RUFY3: variants seen among roughly 807,000 people sequenced by gnomAD.
RUFY3 encodes protein RUFY3.
In RUFY3, 34 loss-of-function variants were observed where a neutral mutation model predicts 84.0. The ratio of observed to expected loss-of-function variants is 0.40; its 90% confidence interval spans 0.31 to 0.54. The LOEUF is 0.54. Among genes scored for constraint, RUFY3 ranks in the 20% least tolerant of loss-of-function variants. RUFY3 has a pLI of 0.39. For missense variants in RUFY3, 507 were observed against 736.8 expected (o/e 0.69, Z 3.61); for synonymous variants, 242 against 252.9 (o/e 0.96, Z 0.41).
intron 17 of RUFY3, 46 bp from the exon 18 acceptor site, chr4:70,806,470 T>G (rs542661423): frequency 6.2e-7 from 1 of 1,608,896 alleles, no homozygotes; most frequent in Admixed American, 1.7e-5. Context: ...TGAATCCTTA[T>G]GCCTTGCTCA....
chr4:70,751,066 T>A (rs1249399526), intron 1 of RUFY3, among the ~76,000 whole-genome samples: 2 of 152,212 alleles, frequency 1.3e-5, no homozygotes, highest in South Asian at 2.1e-4. Flanking sequence ...ATATATTTTT[T>A]AAATAATTTC....
chr4:70,734,335 C>T, intron 1 of RUFY3: 1 of 870,938 alleles, frequency 1.1e-6, no homozygotes, highest in African/African-American at 1.8e-5. Context: ...CACTGTGGCA[C>T]ACCCCCTTTT....
At chr4:70,791,433 T>A in intron 12 of RUFY3, 1 of 1,406,138 alleles carries the variant, frequency 7.1e-7, no homozygotes, top group Non-Finnish European at 9.3e-7. Context: ...TTTGTTGGAC[T>A]TTTAAAAAAC....
chr4:70,775,156 C>A lies in RUFY3; in HGVS notation c.759-12C>A, dbSNP rs377064223. 5 of 1,574,600 alleles carry A rather than the reference C, an allele frequency of 3.2e-6. No homozygotes were observed. The highest frequency in any genetic ancestry group is 4.3e-6 in the Non-Finnish European group (5 of 1,153,534). ...TATTTATTTTATTTCTATTTTCTTC[C>A]CCTTCCCCCAGAGACGGTCAGATTA... On this transcript the variant is annotated splice_polypyrimidine_tract_variant and intron_variant, in intron 6 of 17. Transcript: ENST00000381006.
At chr4:70,730,430 C>T (rs938194143) in intron 1 of RUFY3, among the ~76,000 whole-genome samples, 1 of 151,824 alleles carries the variant, frequency 6.6e-6, no homozygotes, top group East Asian at 1.9e-4. Flanking sequence ...CAACTATTAC[C>T]CCCAATTTAC....
chr4:70,707,835 T>C (rs1352380098), intron 1 of RUFY3, among the ~76,000 whole-genome samples: 1 of 152,248 alleles, frequency 6.6e-6, no homozygotes, highest in Non-Finnish European at 1.5e-5. Context: ...AACGTAAGCA[T>C]ACTTACAGAA....
intron 10 of RUFY3, among the ~76,000 whole-genome samples, chr4:70,786,306 T>A (rs1266593049): frequency 6.6e-6 from 1 of 152,256 alleles, no homozygotes; most frequent in East Asian, 1.9e-4. Flanking sequence ...ATAGGAGGAA[T>A]AAGTTCTGGT....
At chr4:70,717,771 G>A (rs1202121543), upstream of RUFY3, among the ~76,000 whole-genome samples, 1 of 151,544 alleles carries the variant, frequency 6.6e-6, no homozygotes, top group Non-Finnish European at 1.5e-5. Flanking sequence ...CGCTAATTGT[G>A]TGATTCTGGG....
chr4:70,768,681 T>G lies in RUFY3; in HGVS notation c.696+20T>G. On this transcript the variant is annotated intron_variant, in intron 5 of 17. Coordinates refer to ENST00000381006, the MANE Select transcript of RUFY3 (RefSeq NM_001037442.4). The stretch of plus-strand genomic sequence containing the variant: ...TCTCAGGTATGGGAAAGAGACTCAT[T>G]CCCATGGGTGTCACTCTGAGTTCTG... 1 of 1,611,808 alleles carries G rather than the reference T, an allele frequency of 6.2e-7. No homozygotes were observed. The highest frequency in any genetic ancestry group is 8.5e-7 in the Non-Finnish European group (1 of 1,179,058).
At chr4:70,797,366 A>G (rs944125310) in intron 14 of RUFY3, among the ~76,000 whole-genome samples, 2 of 152,226 alleles carry the variant, frequency 1.3e-5, no homozygotes, top group Non-Finnish European at 2.9e-5. Flanking sequence ...GTCCATGCAC[A>G]GTCTTTTCGT....
At chr4:70,730,223 A>G (rs1719017009) in intron 1 of RUFY3, among the ~76,000 whole-genome samples, 1 of 151,444 alleles carries the variant, frequency 6.6e-6, no homozygotes, top group South Asian at 2.1e-4. Context: ...GCACCCAGCC[A>G]AAATATGTGC....
chr4:70,735,733 T>A (rs1720166319), intron 1 of RUFY3, among the ~76,000 whole-genome samples: 1 of 151,980 alleles, frequency 6.6e-6, no homozygotes, highest in Non-Finnish European at 1.5e-5. Flanking sequence ...ATGTCTGTAA[T>A]CCCAGCACTT....
In RUFY3 at chr4:70,788,831, A is replaced by C; in HGVS notation, c.1097A>C (p.Gln366Pro). Reference sequence around the variant, plus strand: ...GATGTTGAGAAAGAACTGGAGATGCAGATCAGCATGAGGCAGGAGATGGAA... The same window carrying C: ...GATGTTGAGAAAGAACTGGAGATGCCGATCAGCATGAGGCAGGAGATGGAA... Reference protein sequence around the residue: ...RLDVEKELEMQISMRQEMELA... With the variant: ...RLDVEKELEMPISMRQEMELA... The change falls in exon 11 of 18, where the codon CAG becomes CCG. Residue 366 changes from glutamine to proline, a missense_variant. This residue lies in a region of RUFY3 where 334 missense variants were observed against 364.1 expected (regional missense o/e 0.92). Transcript: ENST00000381006. 1.2e-6 allele frequency: 2 copies of C among 1,614,088 alleles called. No homozygotes were observed. Among genetic ancestry groups the C allele is most frequent in the Non-Finnish European group, 1.7e-6 (2 of 1,179,958 alleles).
chr4:70,774,033 T>C (rs1320208849), intron 6 of RUFY3, among the ~76,000 whole-genome samples: 1 of 152,240 alleles, frequency 6.6e-6, no homozygotes, highest in African/African-American at 2.4e-5. Context: ...TCTAAAATTG[T>C]GTTAAACACT....
At position 70,776,512 on chromosome 4, in the gene RUFY3, C is replaced by T. The variant is rs1020413930; in HGVS notation, c.824+1279C>T. Among the ~76,000 whole-genome samples the T allele has an allele frequency of 2.6e-5, 4 of 152,284 alleles. No homozygotes were observed. In the East Asian group the frequency reaches 7.7e-4, roughly 29 times the overall value. ...TAAAGAGGCCGGGAGCAGTGGCTCA[C>T]GCCTATAATCCCAGCACTTTGGGAG... is the stretch of plus-strand genomic sequence containing the variant. On this transcript the variant is annotated intron_variant, in intron 7 of 17. Transcript: ENST00000381006.
At chr4:70,763,708 T>C in intron 3 of RUFY3, 39 bp downstream of exon 3, 1 of 1,595,692 alleles carries the variant, frequency 6.3e-7, no homozygotes, top group Non-Finnish European at 8.5e-7. Flanking sequence ...AGGAACAGCA[T>C]TCTTATTAAC....
chr4:70,761,211 A>C (rs1449974712), intron 1 of RUFY3, among the ~76,000 whole-genome samples: 2 of 152,214 alleles, frequency 1.3e-5, no homozygotes, highest in African/African-American at 4.8e-5. Flanking sequence ...AGAGAGCATT[A>C]GCTTTCACGT....
At chr4:70,793,681 C>T in intron 12 of RUFY3, 104 bp from the exon 13 acceptor site, 1 of 1,595,394 alleles carries the variant, frequency 6.3e-7, no homozygotes, top group South Asian at 1.1e-5. Flanking sequence ...CTCTGTCTCT[C>T]TGTGCATTCT....
intron 1 of RUFY3, among the ~76,000 whole-genome samples, chr4:70,711,327 T>C (rs910014793): frequency 5.9e-5 from 9 of 152,044 alleles, no homozygotes; most frequent in African/African-American, 1.9e-4. Context: ...AAGTACTTTA[T>C]TGTGTTTTGT....
Sources: allele counts gnomAD v4.1 joint callset (sites outside exome capture counted in the v4.1 genomes callset), GRCh38; gene constraint gnomAD v4.1.1; regional missense constraint gnomAD v4.1.1; transcripts MANE v1.5; gene names NCBI Gene and HGNC (gene_info 2026-07-23, HGNC 2026-07-21).